Variants in ZNF12 observed in about 807,000 individuals in gnomAD.
The protein encoded by ZNF12 is gonadotropin inducible transcription repressor 3.
ZNF12 carries 34 observed loss-of-function variants against 66.6 expected under a neutral mutation model. The observed-to-expected ratio is 0.51, with a 90% CI of 0.39 to 0.68. The LOEUF (loss-of-function observed/expected upper bound fraction) is 0.68. ZNF12 is among the 30% of genes least tolerant of loss of function. ZNF12 has a pLI of 0.00. For synonymous variants in ZNF12, 320 were observed against 278.9 expected (o/e 1.15, Z -1.47); for missense variants, 697 against 826.9 (o/e 0.84, Z 1.93).
Position 6,697,809 on chromosome 7 carries a change from C to T in ZNF12, c.18G>A (p.Gly6=), listed in dbSNP as rs765503278. 7 of 1,613,974 alleles carry T rather than the reference C, an allele frequency of 4.3e-6. No homozygotes were observed. The highest frequency in any genetic ancestry group is 1.7e-5 in the Admixed American group (1 of 59,980). Residue 6 remains glycine, a splice_region_variant and synonymous_variant, in exon 3 of 5, where the codon GGG becomes GGA. Coordinates refer to ENST00000405858, the MANE Select transcript of ZNF12 (RefSeq NM_016265.4). The surrounding 1 kb of genome is among the most constrained non-coding windows in gnomAD (Gnocchi z 6.1). Reference sequence around the variant, plus strand: ...CAGCCACGTCCTTGAATGACACTGGCCCCTGAAATGGCACCGTGATTGGAA... The same window carrying T: ...CAGCCACGTCCTTGAATGACACTGGTCCCTGAAATGGCACCGTGATTGGAA... MNKSL[G]PVSFKDVAVD...
intron 2 of ZNF12, among the ~76,000 whole-genome samples, chr7:6,700,302 T>TACACACACACACACACACAC (rs780908025): frequency 1.2e-5 from 1 of 83,876 alleles, no homozygotes; most frequent in African/African-American, 5.5e-5. Flanking sequence ...AAAAAAAAAA[T>TACACACACACACACACACAC]ATACACACAC....
Position 6,692,664 on chromosome 7 carries a change from T to C in ZNF12, c.278A>G (p.Gln93Arg), listed in dbSNP as rs751799878. Residue 93 changes from glutamine to arginine, a missense_variant, in exon 5 of 5, where the codon CAG becomes CGG. Gln to Arg is a conservative substitution (Grantham distance 43). Around this residue, in one of 3 missense-constraint regions of ZNF12, gnomAD observed 241 missense variants for 224.0 expected, o/e 1.08. Coordinates refer to ENST00000405858, the MANE Select transcript of ZNF12 (RefSeq NM_016265.4). The surrounding 1 kb of genome is among the most constrained non-coding windows in gnomAD (Gnocchi z 5.1). ...WQTDDLIERI[Q>R]EEENKPSRQT... ...CCTTGAAGGTTTATTTTCCTCTTCC[T>C]GGATTCTCTCTATTAGGTCATCAGT... The C allele has an allele frequency of 6.2e-7, 1 of 1,608,350 alleles. No homozygotes were observed. The highest frequency in any genetic ancestry group is 2.2e-5 in the East Asian group (1 of 44,822).
intron 2 of ZNF12, among the ~76,000 whole-genome samples, chr7:6,703,716 G>T (rs1160560882): frequency 6.6e-6 from 1 of 152,180 alleles, no homozygotes; most frequent in Non-Finnish European, 1.5e-5. Context: ...GCACAGGAGG[G>T]TGACATCAGA....
intron 2 of ZNF12, among the ~76,000 whole-genome samples, chr7:6,701,125 G>C (rs1300636820): frequency 6.6e-6 from 1 of 152,154 alleles, no homozygotes; most frequent in Non-Finnish European, 1.5e-5. Context: ...TTACTGGTGT[G>C]AGCCACTATG....
At position 6,705,742 on chromosome 7, in the gene ZNF12, AAAAC is replaced by A. The variant is rs1780345307; in HGVS notation, c.-50-523_-50-520del. On this transcript the variant is annotated intron_variant, in intron 1 of 4. Transcript: ENST00000405858. This position sits in a 1 kb window ranked among gnomAD's most constrained non-coding sequence, Gnocchi z 4.0. The stretch of plus-strand genomic sequence containing the variant: ...CAAAAACAAACAAACAAACAAACAA[AAAAC>A]AAACAACAAAAAATGAATTCTGTAA... Among the ~76,000 whole-genome samples, 1 of 152,136 alleles carries A rather than the reference AAAAC, an allele frequency of 6.6e-6. No individual in the cohort carries two copies. Among genetic ancestry groups the A allele is most frequent in the African/African-American group, 2.4e-5 (1 of 41,496 alleles).
rs1181398051 is a variant in ZNF12 at position 6,705,893 on chromosome 7, A to G, written c.-51+539T>C. ...GCAGAAACTTCAGTGTGCTACTCAA[A>G]AGGATCTTTTATTGAAGAACTTACG... On this transcript the variant is annotated intron_variant, in intron 1 of 4. Coordinates refer to ENST00000405858, the MANE Select transcript of ZNF12 (RefSeq NM_016265.4). The surrounding 1 kb of genome is among the most constrained non-coding windows in gnomAD (Gnocchi z 4.0). 6.6e-6 allele frequency among the ~76,000 whole-genome samples: 1 copy of G among 152,110 alleles called. No homozygotes were observed. Among genetic ancestry groups the G allele is most frequent in the African/African-American group, 2.4e-5 (1 of 41,410 alleles).
chr7:6,694,322 C>T lies in ZNF12; in HGVS notation c.239-1619G>A, dbSNP rs187173009. ...GCACATTAAGTGAAACGATATCAAC[C>T]GTAACCCCTATAACCTGTGCTTTCC... On this transcript the variant is annotated intron_variant, in intron 4 of 4. Transcript: ENST00000405858. Among the ~76,000 whole-genome samples, 952 of 152,178 alleles carry T rather than the reference C, an allele frequency of 6.3e-3. 13 individuals are homozygous for T. The highest frequency in any genetic ancestry group is 0.021 in the African/African-American group (880 of 41,496).
intron 2 of ZNF12, chr7:6,700,771 G>C (rs1780229782): frequency 6.6e-6 from 1 of 152,184 alleles, no homozygotes; most frequent in African/African-American, 2.4e-5. Flanking sequence ...TTAACAGGAA[G>C]TCCAAATTCT....
chr7:6,700,168 C>T (rs1780212661), intron 2 of ZNF12, among the ~76,000 whole-genome samples: 1 of 151,732 alleles, frequency 6.6e-6, no homozygotes, highest in East Asian at 1.9e-4. Flanking sequence ...ACCTGTAGTC[C>T]CAGCTACTCG....
Position 6,697,748 on chromosome 7 carries a change from G to A in ZNF12, c.79C>T (p.Pro27Ser), listed in dbSNP as rs1042504023. The change falls in exon 3 of 5, where the codon CCT becomes TCT. Residue 27 changes from proline (P) to serine (S), a missense_variant. Transcript: ENST00000405858. This position sits in a 1 kb window ranked among gnomAD's most constrained non-coding sequence, Gnocchi z 6.1. The part of the protein sequence containing the change: ...FTQEEWQQLD[P>S]EQKITYRDVM... ...TCCCTGTAAGTTATCTTCTGCTCAG[G>A]ATCCAGCTGCTGCCATTCCTCCTGG... The A allele has an allele frequency of 1.2e-6, 2 of 1,614,104 alleles. No homozygotes were observed. The highest frequency in any genetic ancestry group is 1.7e-6 in the Non-Finnish European group (2 of 1,180,034).
At chr7:6,699,177 TG>T (rs1262735277) in intron 2 of ZNF12, among the ~76,000 whole-genome samples, 1 of 152,212 alleles carries the variant, frequency 6.6e-6, no homozygotes, top group Non-Finnish European at 1.5e-5. Context: ...CAAGAAAATA[TG>T]GTAGCAGGAA....
Position 6,697,497 on chromosome 7 carries a change from A to G in ZNF12, c.143-63T>C. The G allele has an allele frequency of 6.4e-7, 1 of 1,550,774 alleles. No individual in the cohort carries two copies. Among genetic ancestry groups the G allele is most frequent in the African/African-American group, 1.4e-5 (1 of 73,364 alleles). On this transcript the variant is annotated intron_variant, in intron 3 of 4. Coordinates refer to ENST00000405858, the MANE Select transcript of ZNF12 (RefSeq NM_016265.4). The surrounding 1 kb of genome is among the most constrained non-coding windows in gnomAD (Gnocchi z 6.1). ...CGGTTGGCTTCAGGGTCTCTGTCAT[A>G]CAGGGAAAATTCCATTTGTGTCTTA...
Position 6,697,694 on chromosome 7 carries a change from C to G in ZNF12, c.133G>C (p.Val45Leu). ...DVMLENYSNL[V>L]SVGYHIIKPD... Reference sequence around the variant, plus strand: ...AGCAAGCTATCCTCACCCACAGAAACTAGATTGCTGTAGTTCTCCAGCATC... The same window carrying G: ...AGCAAGCTATCCTCACCCACAGAAAGTAGATTGCTGTAGTTCTCCAGCATC... The change falls in exon 3 of 5, where the codon GTT becomes CTT. Residue 45 changes from valine (V) to leucine (L), a missense_variant. This residue lies in a region of ZNF12 where 55 missense variants were observed against 83.9 expected (regional missense o/e 0.66). Coordinates refer to ENST00000405858, the MANE Select transcript of ZNF12 (RefSeq NM_016265.4). This position sits in a 1 kb window ranked among gnomAD's most constrained non-coding sequence, Gnocchi z 6.1. 6.2e-7 allele frequency: 1 copy of G among 1,614,116 alleles called. No individual in the cohort carries two copies. Among genetic ancestry groups the G allele is most frequent in the Non-Finnish European group, 8.5e-7 (1 of 1,179,990 alleles).
chr7:6,701,796 C>T (rs1477291166), intron 2 of ZNF12, among the ~76,000 whole-genome samples: 1 of 152,094 alleles, frequency 6.6e-6, no homozygotes, highest in Non-Finnish European at 1.5e-5. Flanking sequence ...CAGCCATTCT[C>T]ACTCCATGGG....
chr7:6,703,267 G>A (rs1780287242), intron 2 of ZNF12, among the ~76,000 whole-genome samples: 1 of 152,166 alleles, frequency 6.6e-6, no homozygotes, highest in African/African-American at 2.4e-5. Flanking sequence ...ACGATATGAT[G>A]AACACTTCAG....
chr7:6,693,477 A>G (rs1780105559), intron 4 of ZNF12, among the ~76,000 whole-genome samples: 1 of 152,256 alleles, frequency 6.6e-6, no homozygotes, highest in Non-Finnish European at 1.5e-5. Flanking sequence ...TGGAAACTTC[A>G]GTATTCTAAT....
chr7:6,697,743 C>G lies in ZNF12; in HGVS notation c.84G>C (p.Glu28Asp), dbSNP rs1228177064. The G allele has an allele frequency of 6.2e-6, 10 of 1,614,074 alleles. No individual in the cohort carries two copies. The highest frequency in any genetic ancestry group is 8.5e-6 in the Non-Finnish European group (10 of 1,180,044). Residue 28 changes from glutamate (E) to aspartate (D), a missense_variant, in exon 3 of 5, where the codon GAG (glutamate) becomes GAC (aspartate). Around this residue, in one of 3 missense-constraint regions of ZNF12, gnomAD observed 55 missense variants for 83.9 expected, o/e 0.66. Coordinates refer to ENST00000405858, the MANE Select transcript of ZNF12 (RefSeq NM_016265.4). The surrounding 1 kb of genome is among the most constrained non-coding windows in gnomAD (Gnocchi z 6.1). The stretch of plus-strand genomic sequence containing the variant: ...TCACATCCCTGTAAGTTATCTTCTG[C>G]TCAGGATCCAGCTGCTGCCATTCCT... ...TQEEWQQLDP[E>D]QKITYRDVML...
rs577367109 is a variant in ZNF12, at chr7:6,706,923, G to C, written c.-542C>G. ...GGGAACTAGGGCGAGCGGTGACCTG[G>C]GGACGCACAGGAAGCGAGGGCACTG... On this transcript the variant is annotated 5_prime_UTR_variant, in exon 1 of 5. Coordinates refer to ENST00000405858, the MANE Select transcript of ZNF12 (RefSeq NM_016265.4). The C allele has an allele frequency of 5.3e-5, 22 of 412,454 alleles. No individual in the cohort carries two copies. In the Middle Eastern group the frequency reaches 1.4e-3, roughly 27 times the overall value. 25.5% of individuals were successfully genotyped at this position (412,454 alleles called of 1,614,324 possible). A position where few individuals can be genotyped will look rare whatever the true frequency, so the allele number is the denominator to read the frequency against.
Position 6,690,347 on chromosome 7 carries a change from G to C in ZNF12, c.*501C>G, listed in dbSNP as rs1287857224. 14 of 152,302 alleles carry C rather than the reference G, an allele frequency of 9.2e-5. No homozygotes were observed. The highest frequency in any genetic ancestry group is 9.2e-4 in the Admixed American group (14 of 15,288). 9.4% of individuals were successfully genotyped at this position (152,302 alleles called of 1,614,324 possible). ...ATAAGTCCTATGTTCTTTGGGAACTGCTTACATGAGTTTAAGGTTACCGAC... is the reference window on the plus strand; with the variant it reads ...ATAAGTCCTATGTTCTTTGGGAACTCCTTACATGAGTTTAAGGTTACCGAC... On this transcript the variant is annotated 3_prime_UTR_variant, in exon 5 of 5. Coordinates refer to ENST00000405858, the MANE Select transcript of ZNF12 (RefSeq NM_016265.4).
Sources: gnomAD v4.1 joint callset for allele counts (sites outside exome capture counted in the v4.1 genomes callset) on GRCh38, gnomAD v4.1.1 for gene constraint, gnomAD v4.1.1 regional missense constraint, Gnocchi (gnomAD v3.1) non-coding constraint, MANE v1.5 for transcripts, NCBI Gene and HGNC (gene_info 2026-07-23, HGNC 2026-07-21) for gene names.